The following SLC27A4 variants were observed in gnomAD, a reference collection of about 807,000 sequenced individuals.
SLC27A4 encodes solute carrier family 27 member 4, also known as long-chain fatty acid transport protein 4.
A neutral mutation model predicts 64.4 loss-of-function variants in SLC27A4; 33 were observed. That is an observed-to-expected ratio of 0.51 (90% CI 0.39 to 0.68). The LOEUF (loss-of-function observed/expected upper bound fraction) is 0.68. Ranked by LOEUF, SLC27A4 falls within the 30% of genes least tolerant of loss-of-function variation. The pLI is 0.00. For synonymous variants in SLC27A4, 377 were observed against 370.0 expected, an observed-to-expected ratio of 1.02 and a Z score of -0.22; for missense variants, 824 against 883.5, an observed-to-expected ratio of 0.93 and a Z score of 0.85.
rs772253979 is a variant in SLC27A4, at chr9:128,352,619, G to A, written c.878-19G>A. On this transcript the variant is annotated intron_variant, in intron 6 of 12. Coordinates refer to ENST00000300456, the MANE Select transcript of SLC27A4 (RefSeq NM_005094.4). ...GTCTTCATCTCGCTGACCCTCAGGG[G>A]CCATCCCTCTGCCTCCAGGAAACAT... 35 of 1,594,692 alleles carry A rather than the reference G, an allele frequency of 2.2e-5. No individual in the cohort carries two copies. Among genetic ancestry groups the A allele is most frequent in the Non-Finnish European group, 2.9e-5 (34 of 1,162,470 alleles).
At position 128,355,662 on chromosome 9, in the gene SLC27A4, G is replaced by A. The variant is rs774422594; in HGVS notation, c.1640G>A (p.Arg547Gln). The A allele has an allele frequency of 3.8e-5, 61 of 1,611,126 alleles. No individual in the cohort carries two copies. Among genetic ancestry groups the A allele is most frequent in the Non-Finnish European group, 4.7e-5 (55 of 1,180,010 alleles). Reference sequence around the variant, plus strand: ...CTGCCACCCCCAGGAACCGAGGGCCGGGCCGGAATGGCTGCTGTGGCCAGC... The same window carrying A: ...CTGCCACCCCCAGGAACCGAGGGCCAGGCCGGAATGGCTGCTGTGGCCAGC... ...YGVEVPGTEG[R>Q]AGMAAVASPT... Residue 547 changes from arginine (R) to glutamine (Q), a missense_variant, in exon 12 of 13, where the codon CGG becomes CAG. Physicochemically the swap from Arg to Gln is conservative, Grantham distance 43. Transcript: ENST00000300456.
At chr9:128,350,705 C>T in intron 6 of SLC27A4, 130 bp downstream of exon 6, 2 of 786,588 alleles carry the variant, frequency 2.5e-6, no homozygotes, top group Non-Finnish European at 4.3e-6. Context: ...CCTGTAATCC[C>T]AGCACTTTGG....
At chr9:128,343,056 C>T in intron 1 of SLC27A4, 71 bp from the exon 2 acceptor site, 2 of 1,578,970 alleles carry the variant, frequency 1.3e-6, no homozygotes, top group Non-Finnish European at 1.7e-6. Context: ...AGTGGCCTGG[C>T]TGTCTGGGCT....
At chr9:128,346,424 C>CGA (rs1832658255) in intron 3 of SLC27A4, among the ~76,000 whole-genome samples, 1 of 151,284 alleles carries the variant, frequency 6.6e-6, no homozygotes, top group African/African-American at 2.4e-5. Flanking sequence ...TTAGTAGAGA[C>CGA]GAGGTTTCAC....
In SLC27A4 at chr9:128,345,082, G is replaced by C. The variant is rs111293264; in HGVS notation, c.162-73G>C. 12 of 1,593,720 alleles carry C rather than the reference G, an allele frequency of 7.5e-6. No individual in the cohort carries two copies. Among genetic ancestry groups the C allele is most frequent in the Admixed American group, 1.7e-5 (1 of 59,672 alleles). ...TGAAGCATAGGCTGGCGAGGCAGCAGCCTGGGGTAGGGTGTCAGGACCCCT... is the reference window on the plus strand; with the variant it reads ...TGAAGCATAGGCTGGCGAGGCAGCACCCTGGGGTAGGGTGTCAGGACCCCT... On this transcript the variant is annotated intron_variant, in intron 2 of 12. Coordinates refer to ENST00000300456, the MANE Select transcript of SLC27A4 (RefSeq NM_005094.4). The surrounding 1 kb of genome is among the most constrained non-coding windows in gnomAD (Gnocchi z 4.1).
chr9:128,353,531 C>T lies in SLC27A4; in HGVS notation c.1314C>T (p.Pro438=). The T allele has an allele frequency of 6.2e-7, 1 of 1,614,010 alleles. No homozygotes were observed. Among genetic ancestry groups the T allele is most frequent in the Non-Finnish European group, 8.5e-7 (1 of 1,179,970 alleles). ...GGGGGCCCGACGGCGTCTGCATTCC[C>T]TGCCAGCCAGGTCTGCCACTTCGGG... ...LIRGPDGVCI[P]CQPGEPGQLV... is the part of the protein sequence containing the mutation. The change falls in exon 9 of 13, where the codon CCC becomes CCT. Residue 438 remains proline (P), a synonymous_variant. Coordinates refer to ENST00000300456, the MANE Select transcript of SLC27A4 (RefSeq NM_005094.4). The surrounding 1 kb of genome is among the most constrained non-coding windows in gnomAD (Gnocchi z 4.9).
intron 2 of SLC27A4, among the ~76,000 whole-genome samples, chr9:128,344,284 G>T (rs574444723): frequency 6.6e-6 from 1 of 152,264 alleles, no homozygotes; most frequent in African/African-American, 2.4e-5. Flanking sequence ...TTGGGAGGCC[G>T]AAGTGGGTGG....
intron 12 of SLC27A4, among the ~76,000 whole-genome samples, 170 bp downstream of exon 12, chr9:128,355,966 T>C (rs1832814917): frequency 6.6e-6 from 1 of 152,134 alleles, no homozygotes; most frequent in East Asian, 1.9e-4. Flanking sequence ...AAGACACACA[T>C]TGTTCCTTAG....
chr9:128,342,384 A>G (rs749583673), intron 1 of SLC27A4: 29 of 1,609,532 alleles, frequency 1.8e-5, no homozygotes, highest in African/African-American at 8.0e-5. Flanking sequence ...TGCACCGCCA[A>G]TATGCATTGT....
chr9:128,352,030 CAAAAA>C (rs769698769), intron 6 of SLC27A4, among the ~76,000 whole-genome samples: 2 of 113,114 alleles, frequency 1.8e-5, no homozygotes, highest in South Asian at 2.8e-4. Context: ...ACTAAAAATA[CAAAAA>C]AAAAAAAAAA....
intron 1 of SLC27A4, chr9:128,342,685 A>ATTT: frequency 3.5e-6 from 1 of 287,276 alleles, no homozygotes; most frequent in South Asian, 4.2e-5. Flanking sequence ...TCAGAGTGCC[A>ATTT]TTTTTTTTTT....
intron 12 of SLC27A4, among the ~76,000 whole-genome samples, chr9:128,359,839 G>A (rs1832873070): frequency 6.6e-6 from 1 of 152,164 alleles, no homozygotes; most frequent in Non-Finnish European, 1.5e-5. Flanking sequence ...AATTTTTTAT[G>A]TACGAGTAAG....
chr9:128,345,612 C>G lies in SLC27A4; in HGVS notation c.556+63C>G. The G allele has an allele frequency of 6.7e-7, 1 of 1,498,680 alleles. No homozygotes were observed. Among genetic ancestry groups the G allele is most frequent in the Non-Finnish European group, 8.9e-7 (1 of 1,125,194 alleles). 92.8% of individuals were successfully genotyped at this position (1,498,680 alleles called of 1,614,324 possible). ...ATGGGATCTTACACAGACCACAGCT[C>G]CCTTCCAGCCCTGCCAAGGCTGTGT... On this transcript the variant is annotated intron_variant, in intron 3 of 12. Transcript: ENST00000300456. This position sits in a 1 kb window ranked among gnomAD's most constrained non-coding sequence, Gnocchi z 4.1.
At position 128,345,554 on chromosome 9, in the gene SLC27A4, G is replaced by T; in HGVS notation, c.556+5G>T. The T allele has an allele frequency of 6.3e-7, 1 of 1,599,554 alleles. No individual in the cohort carries two copies. The highest frequency in any genetic ancestry group is 1.7e-5 in the Admixed American group (1 of 58,572). On this transcript the variant is annotated splice_donor_5th_base_variant and intron_variant, in intron 3 of 12. Transcript: ENST00000300456. The surrounding 1 kb of genome is among the most constrained non-coding windows in gnomAD (Gnocchi z 4.1). ...TTGGCAGCGAAATGGCCTCAGGTGA[G>T]CCCCAAGGGGGCGGGGGACAAGCAG...
Position 128,348,720 on chromosome 9 carries a change from C to T in SLC27A4, c.715+17C>T, listed in dbSNP as rs370185693. ...GCTTCACAGGTGGGCTCCATCCCCT[C>T]CCCATAGAGGGGCTCTCACACAGGC... is the stretch of plus-strand genomic sequence containing the variant. On this transcript the variant is annotated intron_variant, in intron 4 of 12. Transcript: ENST00000300456. The T allele has an allele frequency of 1.9e-6, 3 of 1,613,220 alleles. No individual in the cohort carries two copies. The highest frequency in any genetic ancestry group is 2.2e-5 in the South Asian group (2 of 91,076).
In SLC27A4 at chr9:128,345,127, C is replaced by T. The variant is rs1314739752; in HGVS notation, c.162-28C>T. The T allele has an allele frequency of 6.2e-7, 1 of 1,612,938 alleles. No individual in the cohort carries two copies. Among genetic ancestry groups the T allele is most frequent in the South Asian group, 1.1e-5 (1 of 91,058 alleles). ...ACCCCTCCCTCCCAACCATGGCAGA[C>T]ACAGCGCCCTCTCTTGTTCACACAC... On this transcript the variant is annotated intron_variant, in intron 2 of 12. Transcript: ENST00000300456. This position sits in a 1 kb window ranked among gnomAD's most constrained non-coding sequence, Gnocchi z 4.1.
intron 3 of SLC27A4, among the ~76,000 whole-genome samples, chr9:128,347,891 A>G (rs371690790): frequency 4.0e-5 from 6 of 151,642 alleles, no homozygotes; most frequent in African/African-American, 1.2e-4. Context: ...AAAAAAAAAA[A>G]AAAGAAAGGA....
rs532356156 is a variant in SLC27A4, at chr9:128,345,698, G to A, written c.556+149G>A. The A allele has an allele frequency of 5.4e-5, 50 of 931,984 alleles. No homozygotes were observed. The East Asian group carries it at 9.9e-4, about 18-fold the overall frequency. 57.7% of individuals were successfully genotyped at this position (931,984 alleles called of 1,614,324 possible). A position where few individuals can be genotyped will look rare whatever the true frequency, so the allele number is the denominator to read the frequency against. ...AGCTTAGGCAGTGCCACGAGTAAAC[G>A]AGATCCTGGGGAAGGGACTGATTTC... On this transcript the variant is annotated intron_variant, in intron 3 of 12. Coordinates refer to ENST00000300456, the MANE Select transcript of SLC27A4 (RefSeq NM_005094.4). The surrounding 1 kb of genome is among the most constrained non-coding windows in gnomAD (Gnocchi z 4.1).
In SLC27A4 at chr9:128,340,538, G is replaced by C. The variant is rs1832551937; in HGVS notation, c.-307G>C. 5.7e-6 allele frequency: 1 copy of C among 176,488 alleles called. No individual in the cohort carries two copies. The highest frequency in any genetic ancestry group is 1.2e-5 in the Non-Finnish European group (1 of 85,074). 10.9% of individuals were successfully genotyped at this position (176,488 alleles called of 1,614,324 possible). A position where few individuals can be genotyped will look rare whatever the true frequency, so the allele number is the denominator to read the frequency against. On this transcript the variant is annotated 5_prime_UTR_variant, in exon 1 of 13. Transcript: ENST00000300456. The stretch of plus-strand genomic sequence containing the variant: ...GGCCGAGCGGCGTCAGGCGCGCTGG[G>C]GCTGCGCTGCGCCGCCGGCTCTGTG...
Sources: gnomAD v4.1 joint callset for allele counts (sites outside exome capture counted in the v4.1 genomes callset) on GRCh38, gnomAD v4.1.1 for gene constraint, Gnocchi (gnomAD v3.1) non-coding constraint, MANE v1.5 for transcripts, NCBI Gene and HGNC (gene_info 2026-07-23, HGNC 2026-07-21) for gene names.